EFR3A: variants seen among roughly 807,000 people sequenced by gnomAD.
EFR3A encodes the protein EFR3 homolog A, also known as protein EFR3 homolog A.
In EFR3A, 76 loss-of-function variants were observed where a neutral mutation model predicts 104.4. The ratio of observed to expected loss-of-function variants is 0.73; its 90% confidence interval spans 0.60 to 0.88. The LOEUF (loss-of-function observed/expected upper bound fraction) is 0.88. Among genes scored for constraint, EFR3A ranks in the 40% least tolerant of loss-of-function variants. The probability of loss-of-function intolerance (pLI) is 0.00; values close to 1 mark genes in which losing one functional copy is unlikely to be tolerated. For missense variants in EFR3A, 985 were observed against 1,012.5 expected, an observed-to-expected ratio of 0.97 and a Z score of 0.37; for synonymous variants, 330 against 330.0, an observed-to-expected ratio of 1.00 and a Z score of 0.00.
intron 22 of EFR3A, among the ~76,000 whole-genome samples, chr8:132,004,418 G>C (rs377246963): frequency 6.6e-6 from 1 of 152,192 alleles, no homozygotes; most frequent in Non-Finnish European, 1.5e-5. Flanking sequence ...ATTGTGAACT[G>C]CTCATGCAAG....
intron 7 of EFR3A, among the ~76,000 whole-genome samples, chr8:131,956,995 C>G (rs930660785): frequency 1.3e-5 from 2 of 152,020 alleles, no homozygotes; most frequent in African/African-American, 4.8e-5. Context: ...AGAGAGCTAG[C>G]TTGGAAGAAA....
At chr8:131,943,007 T>A (rs1818238491) in intron 2 of EFR3A, among the ~76,000 whole-genome samples, 1 of 152,122 alleles carries the variant, frequency 6.6e-6, no homozygotes, top group Non-Finnish European at 1.5e-5. Context: ...TTGTAAATGA[T>A]GAAAATGTTC....
rs1450000159 is a variant in EFR3A at position 131,972,097 on chromosome 8, G to A, written c.1159+1454G>A. On this transcript the variant is annotated intron_variant, in intron 10 of 22. Transcript: ENST00000254624. ...GGGGCCCCCTTTTCTACCTTTCTAT[G>A]TATGTAGGAATGCATGTATTTGTTT... 2.6e-5 allele frequency among the ~76,000 whole-genome samples: 4 copies of A among 152,022 alleles called. No homozygotes were observed. The East Asian group carries it at 7.7e-4, about 29-fold the overall frequency.
chr8:131,980,126 G>C (rs1820530176), intron 14 of EFR3A, among the ~76,000 whole-genome samples: 1 of 152,062 alleles, frequency 6.6e-6, no homozygotes, highest in African/African-American at 2.4e-5. Flanking sequence ...GCCAGCTAAG[G>C]GAGCCTGTTT....
intron 1 of EFR3A, among the ~76,000 whole-genome samples, chr8:131,908,606 A>C (rs1816368181): frequency 6.6e-6 from 1 of 152,160 alleles, no homozygotes; most frequent in South Asian, 2.1e-4. Context: ...AGAGAGATTG[A>C]AGTTCAGAAA....
At chr8:131,973,421 A>G (rs1820173498) in intron 10 of EFR3A, among the ~76,000 whole-genome samples, 1 of 152,094 alleles carries the variant, frequency 6.6e-6, no homozygotes. Context: ...TCACTCTAGA[A>G]TATTTAATGT....
intron 9 of EFR3A, 104 bp from the exon 10 acceptor site, chr8:131,970,372 C>A: frequency 2.8e-6 from 3 of 1,068,942 alleles, no homozygotes; most frequent in South Asian, 1.6e-5. Context: ...GGATTTCTGA[C>A]TATTTAGAAA....
intron 19 of EFR3A, 26 bp downstream of exon 19, chr8:131,996,523 A>C: frequency 6.7e-7 from 1 of 1,492,852 alleles, no homozygotes; most frequent in Non-Finnish European, 9.1e-7. Context: ...TTTATGGTAG[A>C]GTACTGTCTT....
Position 131,968,338 on chromosome 8 carries a change from T to C in EFR3A, c.899T>C (p.Leu300Pro). 3.7e-6 allele frequency: 6 copies of C among 1,613,548 alleles called. No homozygotes were observed. The highest frequency in any genetic ancestry group is 5.1e-6 in the Non-Finnish European group (6 of 1,179,608). The change falls in exon 9 of 23, where the codon CTT becomes CCT. Residue 300 changes from leucine to proline, a missense_variant. By Grantham distance (98) the Leu-to-Pro change is moderately conservative (BLOSUM62 -3). Coordinates refer to ENST00000254624, the MANE Select transcript of EFR3A (RefSeq NM_015137.6). ...HHVIQEILGH[L>P]DARKKDAPRV... ...GTGATCCAGGAGATTCTAGGACACC[T>C]TGATGCTCGTAAAAAAGATGCTCCC...
Position 132,009,167 on chromosome 8 carries a change from TATTA to T in EFR3A, c.2361-1617_2361-1614del, listed in dbSNP as rs577015943. Among the ~76,000 whole-genome samples, 44 of 152,166 alleles carry T rather than the reference TATTA, an allele frequency of 2.9e-4. No homozygotes were observed. In the South Asian group the frequency reaches 6.6e-3, roughly 23 times the overall value. On this transcript the variant is annotated intron_variant, in intron 22 of 22. Coordinates refer to ENST00000254624, the MANE Select transcript of EFR3A (RefSeq NM_015137.6). ...TATATGAAATTAATATCTGTGCATT[TATTA>T]ATTAAAATGAAAACACTCTTAACCA...
chr8:131,932,129 T>C (rs1210382575), intron 1 of EFR3A, among the ~76,000 whole-genome samples: 2 of 152,154 alleles, frequency 1.3e-5, no homozygotes, highest in Non-Finnish European at 2.9e-5. Context: ...GTTGTACTAA[T>C]GTTATTGGTT....
intron 8 of EFR3A, 124 bp from the exon 9 acceptor site, chr8:131,968,171 T>G (rs1819858666): frequency 2.5e-6 from 2 of 796,636 alleles, no homozygotes; most frequent in Non-Finnish European, 3.8e-6. Context: ...CTATTTATTG[T>G]CTCATAACAT....
At chr8:131,961,554 G>A (rs561146702) in intron 8 of EFR3A, among the ~76,000 whole-genome samples, 41 of 152,304 alleles carry the variant, frequency 2.7e-4, no homozygotes, top group African/African-American at 9.9e-4. Flanking sequence ...AGAAATATGG[G>A]ACTACGTGAA....
intron 2 of EFR3A, among the ~76,000 whole-genome samples, chr8:131,942,757 T>G (rs1329907026): frequency 6.6e-6 from 1 of 151,920 alleles, no homozygotes; most frequent in Non-Finnish European, 1.5e-5. Flanking sequence ...GTTGGGAGGG[T>G]GCAACACAGT....
rs573494321 is a variant in EFR3A at position 132,006,284 on chromosome 8, C to A, written c.2360+2999C>A. On this transcript the variant is annotated intron_variant, in intron 22 of 22. Transcript: ENST00000254624. ...ATATTAACAAACCTAAAAGTTTGTT[C>A]TTTGAAATGGTTGATAAAATTGGTA... Among the ~76,000 whole-genome samples, 5 of 152,082 alleles carry A rather than the reference C, an allele frequency of 3.3e-5. No individual in the cohort carries two copies. The South Asian group carries it at 1.0e-3, about 32-fold the overall frequency.
intron 4 of EFR3A, among the ~76,000 whole-genome samples, chr8:131,948,767 G>A (rs972307849): frequency 1.3e-5 from 2 of 152,090 alleles, no homozygotes; most frequent in Admixed American, 1.3e-4. Context: ...TAAATGAAAT[G>A]CCATGTTATC....
intron 22 of EFR3A, among the ~76,000 whole-genome samples, chr8:132,004,025 GTATTA>G (rs1464052314): frequency 2.6e-5 from 4 of 152,050 alleles, no homozygotes; most frequent in Admixed American, 1.3e-4. Context: ...CTTCAACCCT[GTATTA>G]TATTAATATT....
At chr8:131,961,888 G>T (rs1437711715) in intron 8 of EFR3A, among the ~76,000 whole-genome samples, 1 of 152,230 alleles carries the variant, frequency 6.6e-6, no homozygotes, top group Non-Finnish European at 1.5e-5. Flanking sequence ...AGCCAGAAGA[G>T]AGTGGGGGCC....
At chr8:132,010,058 A>G (rs1321016631) in intron 22 of EFR3A, among the ~76,000 whole-genome samples, 1 of 152,004 alleles carries the variant, frequency 6.6e-6, no homozygotes, top group Non-Finnish European at 1.5e-5. Flanking sequence ...CTTACCATTA[A>G]TAGTAACATA....
Sources: gnomAD v4.1 joint callset for allele counts (sites outside exome capture counted in the v4.1 genomes callset) on GRCh38, gnomAD v4.1.1 for gene constraint, MANE v1.5 for transcripts, NCBI Gene and HGNC (gene_info 2026-07-23, HGNC 2026-07-21) for gene names.